The following TSNARE1 variants were observed in gnomAD, a reference collection of about 807,000 sequenced individuals.
TSNARE1 encodes t-SNARE domain containing 1.
Under a neutral mutation model 62.0 loss-of-function variants are expected in TSNARE1, and 49 were observed. The observed-to-expected ratio is 0.79, with a 90% confidence interval of 0.63 to 1.00. TSNARE1 has a LOEUF of 1.00. Among genes scored for constraint, TSNARE1 ranks in the 50% least tolerant of loss-of-function variants. TSNARE1 has a pLI of 0.00. For missense variants in TSNARE1, 755 were observed against 700.1 expected, an observed-to-expected ratio of 1.08 and a Z score of -0.88; for synonymous variants, 328 against 294.4, an observed-to-expected ratio of 1.11 and a Z score of -1.17.
At chr8:142,274,202 G>A (rs1820041093) in intron 12 of TSNARE1, 1 of 985,456 alleles carries the variant, frequency 1.0e-6, no homozygotes, top group Non-Finnish European at 1.2e-6. Context: ...CCAGTGAGGG[G>A]AAGACAGCGG....
intron 11 of TSNARE1, chr8:142,277,503 G>C: frequency 1.0e-6 from 1 of 985,466 alleles, no homozygotes; most frequent in South Asian, 4.7e-5. Context: ...GGAAAGCATG[G>C]CCGGCTCGGG....
At chr8:142,383,507 C>T (rs1836913114) in intron 1 of TSNARE1, among the ~76,000 whole-genome samples, 1 of 152,190 alleles carries the variant, frequency 6.6e-6, no homozygotes, top group Non-Finnish European at 1.5e-5. Flanking sequence ...GTGCTGAGAG[C>T]CACAGACGGC....
chr8:142,319,443 T>C lies in TSNARE1; in HGVS notation c.894-809A>G, dbSNP rs1829134593. ...TTCCAAGCATGACCTCGAAAGCAAC[T>C]GGGAAGACCAGCCCGTCTCCCGCTT... On this transcript the variant is annotated intron_variant, in intron 6 of 13. Transcript: ENST00000524325. This position sits in a 1 kb window ranked among gnomAD's most constrained non-coding sequence, Gnocchi z 4.9. Among the ~76,000 whole-genome samples the C allele has an allele frequency of 6.6e-6, 1 of 151,870 alleles. No homozygotes were observed. The highest frequency in any genetic ancestry group is 6.6e-5 in the Admixed American group (1 of 15,256).
chr8:142,345,755 C>A lies in TSNARE1; in HGVS notation c.226G>T (p.Ala76Ser), dbSNP rs1436022721. The A allele has an allele frequency of 3.1e-6, 5 of 1,610,084 alleles. No homozygotes were observed. Among genetic ancestry groups the A allele is most frequent in the Non-Finnish European group, 4.2e-6 (5 of 1,177,852 alleles). Residue 76 changes from alanine to serine, a missense_variant, in exon 3 of 14, where the codon GCC becomes TCC. Physicochemically the swap from Ala to Ser is moderately conservative, Grantham distance 99. Transcript: ENST00000524325. Reference protein sequence around the residue: ...GPAGTPIVPRARKRGPGVAPE... With the variant: ...GPAGTPIVPRSRKRGPGVAPE... ...CTGAGTGAAGTACCTCGCTTCCTGGCCCTTGGGACAATAGGCGTGCCTGCT... is the reference window on the plus strand; with the variant it reads ...CTGAGTGAAGTACCTCGCTTCCTGGACCTTGGGACAATAGGCGTGCCTGCT...
chr8:142,303,653 T>C (rs1010939809), intron 9 of TSNARE1, among the ~76,000 whole-genome samples: 7 of 152,072 alleles, frequency 4.6e-5, no homozygotes, highest in African/African-American at 1.7e-4. Context: ...ACCGAACCAG[T>C]GGATCTACAA....
chr8:142,266,127 A>T (rs1819124145), intron 12 of TSNARE1, among the ~76,000 whole-genome samples: 1 of 152,236 alleles, frequency 6.6e-6, no homozygotes, highest in African/African-American at 2.4e-5. Context: ...AAATTAATCA[A>T]TATTTAACTC....
chr8:142,301,477 C>T (rs1195286688), intron 9 of TSNARE1, among the ~76,000 whole-genome samples: 1 of 123,544 alleles, frequency 8.1e-6, no homozygotes, highest in African/African-American at 3.2e-5. Flanking sequence ...GCCCACAGTG[C>T]CCCCACCTGC....
intron 6 of TSNARE1, among the ~76,000 whole-genome samples, chr8:142,325,878 A>ATG (rs1830143963): frequency 7.6e-6 from 1 of 132,344 alleles, no homozygotes; most frequent in African/African-American, 2.9e-5. Context: ...GAGGGGCCCC[A>ATG]GAGAGCACGA....
At chr8:142,280,738 A>G (rs918824650) in intron 11 of TSNARE1, among the ~76,000 whole-genome samples, 20 of 152,158 alleles carry the variant, frequency 1.3e-4, no homozygotes, top group Non-Finnish European at 1.8e-4. Context: ...CCAGCCCGCG[A>G]CAGGTGGCCA....
chr8:142,385,805 A>C (rs1315370684), intron 1 of TSNARE1, among the ~76,000 whole-genome samples: 1 of 152,236 alleles, frequency 6.6e-6, no homozygotes, highest in Non-Finnish European at 1.5e-5. Flanking sequence ...ATATCAAATC[A>C]CCACAAATGT....
At chr8:142,383,670 T>A (rs1161438622) in intron 1 of TSNARE1, among the ~76,000 whole-genome samples, 2 of 152,208 alleles carry the variant, frequency 1.3e-5, no homozygotes, top group Non-Finnish European at 2.9e-5. Context: ...GCCTACTGTG[T>A]GCAGCCACCA....
chr8:142,289,477 G>T (rs1823386690), intron 10 of TSNARE1, among the ~76,000 whole-genome samples: 1 of 152,160 alleles, frequency 6.6e-6, no homozygotes, highest in South Asian at 2.1e-4. Context: ...GGATCTCACG[G>T]AACCAACTGA....
intron 4 of TSNARE1, among the ~76,000 whole-genome samples, chr8:142,333,750 C>T (rs1286507023): frequency 3.9e-5 from 6 of 152,340 alleles, no homozygotes; most frequent in Admixed American, 3.3e-4. Context: ...GCACACTTTC[C>T]GTCCAGCTAC....
rs542005197 is a variant in TSNARE1 at position 142,251,548 on chromosome 8, C to G, written c.1447-21969G>C. Among the ~76,000 whole-genome samples the G allele has an allele frequency of 6.6e-5, 10 of 152,308 alleles. No individual in the cohort carries two copies. In the East Asian group the frequency reaches 1.5e-3, roughly 24 times the overall value. ...TCCTGTCCGTCCGAGCAGCACTGCT[C>G]TGGCACCCTCTGTATTCTGAGAGCA... On this transcript the variant is annotated intron_variant, in intron 12 of 13. Coordinates refer to ENST00000524325, the MANE Select transcript of TSNARE1 (RefSeq NM_145003.5).
chr8:142,277,087 C>T (rs1280792459), intron 11 of TSNARE1: 7 of 985,376 alleles, frequency 7.1e-6, no homozygotes, highest in Non-Finnish European at 8.4e-6. Context: ...ACCTCATCAG[C>T]CATCAGCCCT....
Position 142,343,791 on chromosome 8 carries a change from A to G in TSNARE1, c.745+175T>C, listed in dbSNP as rs76579556. ...GGAGAAGAGGAGGAGGAGGAGGAGG[A>G]GGAGGGGGAGGAGGAGGAGGAGGGG... On this transcript the variant is annotated intron_variant, in intron 4 of 13. Coordinates refer to ENST00000524325, the MANE Select transcript of TSNARE1 (RefSeq NM_145003.5). 1.4e-3 allele frequency among the ~76,000 whole-genome samples: 56 copies of G among 40,470 alleles called. 1 individual carries two copies. Among genetic ancestry groups the G allele is most frequent in the African/African-American group, 5.1e-3 (19 of 3,712 alleles). The allele number at this position is 40,470 out of a possible 152,430, so 26.5% of individuals were successfully genotyped here.
At chr8:142,229,622 A>G (rs746700158) in intron 12 of TSNARE1, 43 bp from the exon 13 acceptor site, 13 of 1,584,990 alleles carry the variant, frequency 8.2e-6, no homozygotes, top group Non-Finnish European at 1.1e-5. Flanking sequence ...TGGTCCTCCA[A>G]CCTCCCATCC....
chr8:142,314,021 C>T (rs1307555160), intron 9 of TSNARE1, among the ~76,000 whole-genome samples: 1 of 152,164 alleles, frequency 6.6e-6, no homozygotes, highest in Non-Finnish European at 1.5e-5. Context: ...TCAGGTGATC[C>T]GCCCACCTCG....
chr8:142,276,745 G>A (rs1458741763), intron 11 of TSNARE1: 1 of 985,274 alleles, frequency 1.0e-6, no homozygotes, highest in African/African-American at 1.7e-5. Context: ...GTGTGACCTG[G>A]AGGCCCACCC....
Sources: gnomAD v4.1 joint callset for allele counts (sites outside exome capture counted in the v4.1 genomes callset) on GRCh38, gnomAD v4.1.1 for gene constraint, Gnocchi (gnomAD v3.1) non-coding constraint, MANE v1.5 for transcripts, NCBI Gene and HGNC (gene_info 2026-07-23, HGNC 2026-07-21) for gene names.